NT5M: variants seen among roughly 807,000 people sequenced by gnomAD.
NT5M encodes 5',3'-nucleotidase, mitochondrial.
NT5M carries 22 observed loss-of-function variants against 22.2 expected under a neutral mutation model. The observed-to-expected ratio is 0.99, with a 90% CI of 0.71 to 1.41. The LOEUF is 1.41. Ranked by LOEUF, NT5M falls within the 40% of genes most tolerant of loss-of-function variation. The probability of loss-of-function intolerance (pLI) is 0.00; values close to 1 mark genes in which losing one functional copy is unlikely to be tolerated. For missense variants in NT5M, 322 were observed against 314.8 expected, an observed-to-expected ratio of 1.02 and a Z score of -0.17; for synonymous variants, 167 against 133.0, an observed-to-expected ratio of 1.26 and a Z score of -1.76.
intron 4 of NT5M, among the ~76,000 whole-genome samples, chr17:17,345,654 C>CAAAA (rs200957034): frequency 6.9e-6 from 1 of 145,724 alleles, no homozygotes; most frequent in Non-Finnish European, 1.5e-5. Flanking sequence ...AAAAAAAACA[C>CAAAA]AAAAAAATTA....
chr17:17,347,141 G>A lies in NT5M; in HGVS notation c.*194G>A, dbSNP rs1597809716. 5.5e-6 allele frequency: 4 copies of A among 723,340 alleles called. No homozygotes were observed. The Admixed American group carries it at 9.1e-5, about 17-fold the overall frequency. 44.8% of individuals were successfully genotyped at this position (723,340 alleles called of 1,614,324 possible). On this transcript the variant is annotated 3_prime_UTR_variant, in exon 5 of 5. Transcript: ENST00000389022. ...CACGGGGCAGGGCTGGGCCCTCTGGGCGCTTGGACATAGACACGTGGTCCC... is the reference window on the plus strand; with the variant it reads ...CACGGGGCAGGGCTGGGCCCTCTGGACGCTTGGACATAGACACGTGGTCCC...
intron 4 of NT5M, 87 bp downstream of exon 4, chr17:17,344,995 C>T (rs1380099530): frequency 6.4e-7 from 1 of 1,560,892 alleles, no homozygotes; most frequent in Non-Finnish European, 8.7e-7. Flanking sequence ...TCAGTTGCTT[C>T]CTGCCCCACT....
chr17:17,335,973 G>A (rs2049500788), intron 3 of NT5M, among the ~76,000 whole-genome samples: 2 of 141,370 alleles, frequency 1.4e-5, no homozygotes, highest in Admixed American at 7.3e-5. Context: ...ACCCTGTTGT[G>A]CTAGCAAATA....
intron 2 of NT5M, among the ~76,000 whole-genome samples, chr17:17,311,607 A>T (rs891799266): frequency 6.6e-6 from 1 of 152,230 alleles, no homozygotes; most frequent in Admixed American, 6.5e-5. Flanking sequence ...GCTTGAATTT[A>T]GCAACCTGAA....
chr17:17,341,258 T>G (rs948423725), intron 3 of NT5M, among the ~76,000 whole-genome samples: 2 of 152,142 alleles, frequency 1.3e-5, no homozygotes. Flanking sequence ...GCTATGAAAG[T>G]CTAGTTATAA....
intron 1 of NT5M, 133 bp from the exon 2 acceptor site, chr17:17,306,410 G>A (rs76597655): frequency 0.02 from 13,802 of 707,116 alleles, 1,176 homozygotes; most frequent in African/African-American, 0.19. Flanking sequence ...CAGGAAGTAC[G>A]TCCTTGGGTG....
intron 3 of NT5M, among the ~76,000 whole-genome samples, chr17:17,329,749 G>A (rs2049337289): frequency 6.6e-6 from 1 of 152,124 alleles, no homozygotes; most frequent in Admixed American, 6.6e-5. Flanking sequence ...GCTGAGGCAG[G>A]AGGATCACTT....
At chr17:17,323,362 G>A in intron 3 of NT5M, 117 bp downstream of exon 3, 2 of 864,814 alleles carry the variant, frequency 2.3e-6, no homozygotes, top group South Asian at 2.7e-5. Flanking sequence ...CCACCTCTGT[G>A]ACAGCGGCTT....
intron 3 of NT5M, among the ~76,000 whole-genome samples, chr17:17,342,259 T>C (rs1038746598): frequency 5.9e-5 from 9 of 152,212 alleles, no homozygotes; most frequent in Admixed American, 5.9e-4. Flanking sequence ...CAGCCCACTT[T>C]GTTTTGCCGT....
At position 17,303,462 on chromosome 17, in the gene NT5M, T is replaced by G. The variant is rs1292747505; in HGVS notation, c.-89T>G. 1.3e-5 allele frequency: 13 copies of G among 1,005,208 alleles called. No homozygotes were observed. The highest frequency in any genetic ancestry group is 1.7e-5 in the African/African-American group (1 of 57,400). 62.3% of individuals were successfully genotyped at this position (1,005,208 alleles called of 1,614,324 possible). On this transcript the variant is annotated 5_prime_UTR_variant, in exon 1 of 5. Coordinates refer to ENST00000389022, the MANE Select transcript of NT5M (RefSeq NM_020201.4). ...CCACGCGCGCCCCAGCGTTGGGGGC[T>G]TCTCCTCCGCGGCGGGAATGTCTGG...
intron 3 of NT5M, among the ~76,000 whole-genome samples, chr17:17,325,114 A>G (rs139422268): frequency 2.6e-5 from 4 of 152,126 alleles, no homozygotes; most frequent in Non-Finnish European, 5.9e-5. Flanking sequence ...CCGCCAGGTG[A>G]TTCTCATACA....
At chr17:17,330,506 G>C (rs567479526) in intron 3 of NT5M, among the ~76,000 whole-genome samples, 1 of 151,348 alleles carries the variant, frequency 6.6e-6, no homozygotes, top group African/African-American at 2.4e-5. Context: ...CTCCTGACTA[G>C]CTGGGATTAC....
At chr17:17,311,258 A>C (rs2145329753) in intron 2 of NT5M, among the ~76,000 whole-genome samples, 1 of 151,946 alleles carries the variant, frequency 6.6e-6, no homozygotes, top group South Asian at 2.1e-4. Context: ...GAATCGCGTG[A>C]ACCTGGGAGG....
intron 2 of NT5M, among the ~76,000 whole-genome samples, chr17:17,319,911 C>T (rs1410609843): frequency 6.6e-6 from 1 of 151,894 alleles, no homozygotes; most frequent in African/African-American, 2.4e-5. Flanking sequence ...GGTGTGATCT[C>T]GGCTCACTGC....
intron 3 of NT5M, among the ~76,000 whole-genome samples, chr17:17,337,590 A>C (rs2049543878): frequency 6.6e-6 from 1 of 152,022 alleles, no homozygotes; most frequent in Non-Finnish European, 1.5e-5. Context: ...TTTCTTGTAG[A>C]GACGGGGTCT....
intron 3 of NT5M, among the ~76,000 whole-genome samples, chr17:17,330,160 C>T (rs1002907428): frequency 1.3e-5 from 2 of 151,208 alleles, no homozygotes; most frequent in Admixed American, 6.6e-5. Flanking sequence ...ATTAGCCGAG[C>T]GTTGTGGCGG....
At chr17:17,345,340 CCA>C (rs1164100674) in intron 4 of NT5M, 1 of 909,804 alleles carries the variant, frequency 1.1e-6, no homozygotes. Flanking sequence ...ACCCCCCTCC[CCA>C]AAACCAAACA....
chr17:17,329,522 T>A (rs1346372932), intron 3 of NT5M, among the ~76,000 whole-genome samples: 1 of 152,160 alleles, frequency 6.6e-6, no homozygotes, highest in Non-Finnish European at 1.5e-5. Context: ...GGCATGGCAT[T>A]TTACTCTGAG....
At chr17:17,315,311 T>G (rs1425370730) in intron 2 of NT5M, among the ~76,000 whole-genome samples, 1 of 152,136 alleles carries the variant, frequency 6.6e-6, no homozygotes, top group African/African-American at 2.4e-5. Flanking sequence ...GTGCTAGCAC[T>G]GGGGATATAT....
Sources: allele counts gnomAD v4.1 joint callset (sites outside exome capture counted in the v4.1 genomes callset), GRCh38; gene constraint gnomAD v4.1.1; transcripts MANE v1.5; gene names NCBI Gene and HGNC (gene_info 2026-07-23, HGNC 2026-07-21).